KCNAB1: variants seen among roughly 807,000 people sequenced by gnomAD.
The protein encoded by KCNAB1 is voltage-gated potassium channel subunit beta-1.
Under a neutral mutation model 64.6 loss-of-function variants are expected in KCNAB1, and 35 were observed. The ratio of observed to expected loss-of-function variants is 0.54; its 90% CI spans 0.41 to 0.72. The LOEUF (loss-of-function observed/expected upper bound fraction) is 0.72. KCNAB1 is among the 30% of genes least tolerant of loss of function. The pLI, the probability that KCNAB1 is intolerant of heterozygous loss-of-function variation, is 0.00. For synonymous variants in KCNAB1, 177 were observed against 183.8 expected (o/e 0.96, Z 0.30); for missense variants, 401 against 512.9 (o/e 0.78, Z 2.11).
chr3:156,187,170 C>T (rs1413063464), intron 1 of KCNAB1, among the ~76,000 whole-genome samples: 1 of 152,266 alleles, frequency 6.6e-6, no homozygotes, highest in Admixed American at 6.5e-5. Context: ...GTGTCTTTGA[C>T]TCTATCTTTG....
chr3:156,165,154 T>C (rs1711504778), intron 1 of KCNAB1, among the ~76,000 whole-genome samples: 1 of 149,596 alleles, frequency 6.7e-6, no homozygotes, highest in African/African-American at 2.4e-5. Context: ...GGCGGGCGCC[T>C]GTAGTCCCAG....
At chr3:156,482,060 G>C (rs1005699313) in intron 8 of KCNAB1, among the ~76,000 whole-genome samples, 1 of 152,126 alleles carries the variant, frequency 6.6e-6, no homozygotes, top group Non-Finnish European at 1.5e-5. Flanking sequence ...GGCTGCACAG[G>C]ATCTGTGATG....
At chr3:156,303,670 G>C (rs1026620028) in intron 1 of KCNAB1, among the ~76,000 whole-genome samples, 1 of 152,148 alleles carries the variant, frequency 6.6e-6, no homozygotes, top group African/African-American at 2.4e-5. Flanking sequence ...TGCACTTTCA[G>C]CTAGGTGGCA....
intron 1 of KCNAB1, among the ~76,000 whole-genome samples, chr3:156,175,562 T>G (rs1347723302): frequency 1.3e-5 from 2 of 152,150 alleles, no homozygotes; most frequent in African/African-American, 4.8e-5. Flanking sequence ...GAGCTTGCAG[T>G]GAGCCGAGAT....
intron 1 of KCNAB1, among the ~76,000 whole-genome samples, chr3:156,225,687 A>G (rs755209487): frequency 4.6e-5 from 7 of 152,170 alleles, no homozygotes; most frequent in Non-Finnish European, 8.8e-5. Flanking sequence ...GACTCATCCA[A>G]AAAGCTCCTA....
intron 1 of KCNAB1, among the ~76,000 whole-genome samples, chr3:156,367,553 C>T (rs781559972): frequency 6.6e-6 from 1 of 152,138 alleles, no homozygotes; most frequent in Non-Finnish European, 1.5e-5. Context: ...AGCAATCTCC[C>T]TCTATCCTTC....
intron 1 of KCNAB1, chr3:156,291,563 T>C (rs1040282974): frequency 7.5e-6 from 9 of 1,192,468 alleles, no homozygotes; most frequent in South Asian, 3.7e-5. Context: ...GCTCTAGGCT[T>C]CTGTAAAAAC....
intron 1 of KCNAB1, among the ~76,000 whole-genome samples, chr3:156,295,774 T>C (rs1230349160): frequency 1.3e-5 from 2 of 152,200 alleles, no homozygotes; most frequent in African/African-American, 4.8e-5. Context: ...TGATATTATA[T>C]ATTACATGCA....
chr3:156,432,117 T>C (rs1257414588), intron 2 of KCNAB1, among the ~76,000 whole-genome samples: 2 of 152,168 alleles, frequency 1.3e-5, no homozygotes, highest in East Asian at 3.8e-4. Context: ...CCACCATGAA[T>C]AGTTAAGAAG....
chr3:156,209,239 G>C (rs186057848), intron 1 of KCNAB1, among the ~76,000 whole-genome samples: 7 of 152,302 alleles, frequency 4.6e-5, no homozygotes, highest in Non-Finnish European at 5.9e-5. Context: ...AGGGACGTGG[G>C]AGTTGAGCTG....
chr3:156,180,535 A>G (rs1712732775), intron 1 of KCNAB1, among the ~76,000 whole-genome samples: 1 of 152,190 alleles, frequency 6.6e-6, no homozygotes. Context: ...AAATTATGAC[A>G]TGTTTATTAC....
intron 1 of KCNAB1, among the ~76,000 whole-genome samples, chr3:156,238,362 C>G (rs1716970229): frequency 7.1e-6 from 1 of 141,810 alleles, no homozygotes; most frequent in Admixed American, 7.6e-5. Flanking sequence ...GCGGAACTTG[C>G]AGTGAGCCGA....
chr3:156,423,998 G>T (rs1440514100), intron 2 of KCNAB1, among the ~76,000 whole-genome samples: 1 of 152,164 alleles, frequency 6.6e-6, no homozygotes, highest in African/African-American at 2.4e-5. Flanking sequence ...GTTACAGAGG[G>T]GTTCAGTTAT....
At chr3:156,370,937 C>G (rs953188383) in intron 1 of KCNAB1, among the ~76,000 whole-genome samples, 1 of 152,164 alleles carries the variant, frequency 6.6e-6, no homozygotes, top group South Asian at 2.1e-4. Flanking sequence ...GTTCATATAG[C>G]CTTCTCACTC....
rs367605760 is a variant in KCNAB1, at chr3:156,143,845, T to C, written c.275+22959T>C. On this transcript the variant is annotated intron_variant, in intron 1 of 13. Transcript: ENST00000490337. ...CTTATTTTCTTCTAAACTTGAATCATGTGGTCTGTACTAATAGCTAATAAA... is the reference window on the plus strand; with the variant it reads ...CTTATTTTCTTCTAAACTTGAATCACGTGGTCTGTACTAATAGCTAATAAA... 2.6e-5 allele frequency among the ~76,000 whole-genome samples: 4 copies of C among 151,582 alleles called. No individual in the cohort carries two copies. The East Asian group carries it at 7.7e-4, about 29-fold the overall frequency.
At chr3:156,480,576 GTTA>G (rs1220419555) in intron 8 of KCNAB1, among the ~76,000 whole-genome samples, 1 of 151,598 alleles carries the variant, frequency 6.6e-6, no homozygotes, top group Non-Finnish European at 1.5e-5. Flanking sequence ...GGTGAGGTTA[GTTA>G]TTATATTTTA....
At chr3:156,418,514 C>T (rs1275148725) in intron 1 of KCNAB1, among the ~76,000 whole-genome samples, 2 of 152,214 alleles carry the variant, frequency 1.3e-5, no homozygotes, top group Non-Finnish European at 2.9e-5. Flanking sequence ...TACATCTTCA[C>T]TTAGTACTGC....
intron 2 of KCNAB1, among the ~76,000 whole-genome samples, chr3:156,436,634 T>C (rs1357435277): frequency 6.6e-6 from 1 of 152,212 alleles, no homozygotes; most frequent in Non-Finnish European, 1.5e-5. Flanking sequence ...TGGTATCTCA[T>C]TGTGCTTTGA....
chr3:156,519,892 G>A (rs1050452124), intron 11 of KCNAB1, among the ~76,000 whole-genome samples: 2 of 152,188 alleles, frequency 1.3e-5, no homozygotes, highest in Non-Finnish European at 2.9e-5. Flanking sequence ...GCCACCCTGT[G>A]AGACCAATGA....
Sources: gnomAD v4.1 joint callset for allele counts (sites outside exome capture counted in the v4.1 genomes callset) on GRCh38, gnomAD v4.1.1 for gene constraint, MANE v1.5 for transcripts, NCBI Gene and HGNC (gene_info 2026-07-23, HGNC 2026-07-21) for gene names.